Variants in VWA8 observed in about 807,000 individuals in gnomAD.
VWA8 encodes the protein von Willebrand factor A domain-containing protein 8.
A neutral mutation model predicts 241.5 loss-of-function variants in VWA8; 221 were observed. That is an observed-to-expected ratio of 0.91 (90% CI 0.82 to 1.02). The LOEUF is 1.02. Among genes scored for constraint, VWA8 ranks in the 50% least tolerant of loss-of-function variants. The pLI is 0.00. For missense variants in VWA8, 2,322 were observed against 2,328.7 expected, an observed-to-expected ratio of 1.00 and a Z score of 0.06; for synonymous variants, 852 against 827.1, an observed-to-expected ratio of 1.03 and a Z score of -0.52.
At chr13:41,571,653 A>C (rs917981627) in intron 43 of VWA8, among the ~76,000 whole-genome samples, 3 of 152,098 alleles carry the variant, frequency 2.0e-5, no homozygotes, top group Admixed American at 2.0e-4. Context: ...CTCAGTGCTC[A>C]ACATTGCCCA....
chr13:41,833,033 C>A (rs1429371168), intron 13 of VWA8, among the ~76,000 whole-genome samples: 5 of 151,882 alleles, frequency 3.3e-5, no homozygotes, highest in Non-Finnish European at 5.9e-5. Flanking sequence ...GTGACTCTGA[C>A]AAATTATAGA....
intron 2 of VWA8, among the ~76,000 whole-genome samples, chr13:41,936,332 C>G (rs1175320457): frequency 6.6e-6 from 1 of 152,088 alleles, no homozygotes; most frequent in Non-Finnish European, 1.5e-5. Context: ...TGAATTTCCT[C>G]TTTTATGTTG....
intron 2 of VWA8, among the ~76,000 whole-genome samples, chr13:41,916,765 T>C (rs1876278537): frequency 6.6e-6 from 1 of 152,196 alleles, no homozygotes. Flanking sequence ...ACATGAGTCA[T>C]ACTTAAAAGC....
At chr13:41,635,177 A>G (rs1278113697) in intron 37 of VWA8, among the ~76,000 whole-genome samples, 1 of 152,184 alleles carries the variant, frequency 6.6e-6, no homozygotes, top group Non-Finnish European at 1.5e-5. Context: ...AAATTCTACT[A>G]TGAATTTACT....
At chr13:41,869,117 G>A (rs998865466) in intron 9 of VWA8, among the ~76,000 whole-genome samples, 3 of 152,070 alleles carry the variant, frequency 2.0e-5, no homozygotes, top group African/African-American at 7.2e-5. Context: ...AGGAGATGAT[G>A]AGACCCTTCA....
At chr13:41,902,709 A>G (rs971855794) in intron 4 of VWA8, among the ~76,000 whole-genome samples, 1 of 152,194 alleles carries the variant, frequency 6.6e-6, no homozygotes, top group Non-Finnish European at 1.5e-5. Flanking sequence ...ATTATTATTA[A>G]CCTAATTCTC....
Position 41,761,006 on chromosome 13 carries a change from G to A in VWA8, c.2426+122C>T, listed in dbSNP as rs565882985. 89 of 979,326 alleles carry A rather than the reference G, an allele frequency of 9.1e-5. 2 individuals are homozygous for A. The South Asian group carries it at 1.4e-3, about 15-fold the overall frequency. The allele number at this position is 979,326 out of a possible 1,614,324, so 60.7% of individuals were successfully genotyped here. Reference sequence around the variant, plus strand: ...TAAAGGAGAGAAGAGATAAGAGCAAGAAGAACAGAAATAAAACTGGTTTAT... The same window carrying A: ...TAAAGGAGAGAAGAGATAAGAGCAAAAAGAACAGAAATAAAACTGGTTTAT... On this transcript the variant is annotated intron_variant, in intron 21 of 44. Transcript: ENST00000379310.
chr13:41,863,372 A>G (rs201285288), intron 12 of VWA8, among the ~76,000 whole-genome samples: 64 of 124,392 alleles, frequency 5.1e-4, no homozygotes, highest in African/African-American at 9.1e-4. Context: ...ATATATATAT[A>G]TGTGTGTGTG....
chr13:41,751,757 A>G (rs2045657868), intron 21 of VWA8, among the ~76,000 whole-genome samples: 1 of 152,204 alleles, frequency 6.6e-6, no homozygotes, highest in South Asian at 2.1e-4. Flanking sequence ...TTTAACAATA[A>G]CCATCCAAAA....
intron 26 of VWA8, among the ~76,000 whole-genome samples, chr13:41,704,156 T>C (rs925028539): frequency 6.6e-6 from 1 of 152,232 alleles, no homozygotes. Context: ...GACTTTATTT[T>C]GGCATCTTAA....
intron 9 of VWA8, among the ~76,000 whole-genome samples, chr13:41,880,010 T>G (rs983315527): frequency 9.8e-5 from 15 of 152,358 alleles, no homozygotes; most frequent in African/African-American, 3.4e-4. Context: ...GTCAACACTT[T>G]AAACATATAG....
chr13:41,573,527 GTATATATATATACGTA>G (rs1262790212), intron 43 of VWA8, among the ~76,000 whole-genome samples: 8 of 134,298 alleles, frequency 6.0e-5, no homozygotes, highest in Middle Eastern at 4.0e-3. Flanking sequence ...ATATATACGT[GTATATATATATACGTA>G]TATATAAAAT....
At chr13:41,814,405 G>A (rs1384843518) in intron 16 of VWA8, among the ~76,000 whole-genome samples, 1 of 152,186 alleles carries the variant, frequency 6.6e-6, no homozygotes, top group African/African-American at 2.4e-5. Context: ...ACAACTGGAT[G>A]TAGGGAAAGC....
intron 37 of VWA8, among the ~76,000 whole-genome samples, chr13:41,657,050 A>G (rs538168901): frequency 1.3e-5 from 2 of 152,054 alleles, no homozygotes; most frequent in East Asian, 3.9e-4. Context: ...GGCCACAGTG[A>G]TGGGTTCAGG....
chr13:41,748,321 T>C (rs1372725903), intron 21 of VWA8, among the ~76,000 whole-genome samples: 1 of 152,226 alleles, frequency 6.6e-6, no homozygotes, highest in Non-Finnish European at 1.5e-5. Flanking sequence ...CCTGGCTTAG[T>C]CTTGGGAGGG....
In VWA8 at chr13:41,955,080, AT is replaced by A. The variant is rs199618764; in HGVS notation, c.164-5068del. ...GACAAATGAATAATTATAATTTTAA[AT>A]TTTTTCTTAAGTATTGTTTTTAAGC... On this transcript the variant is annotated intron_variant, in intron 1 of 44. Coordinates refer to ENST00000379310, the MANE Select transcript of VWA8 (RefSeq NM_015058.2). Among the ~76,000 whole-genome samples the A allele has an allele frequency of 1.5e-3, 232 of 152,218 alleles. 3 individuals carry two copies. The highest frequency in any genetic ancestry group is 5.4e-3 in the African/African-American group (226 of 41,532).
At chr13:41,659,068 C>T (rs1009254312) in intron 37 of VWA8, among the ~76,000 whole-genome samples, 17 of 152,156 alleles carry the variant, frequency 1.1e-4, no homozygotes, top group Non-Finnish European at 2.9e-5. Flanking sequence ...TTTTTAAAAT[C>T]CATATTCCTT....
chr13:41,693,019 T>C (rs2045190424), intron 29 of VWA8, 47 bp from the exon 30 acceptor site: 3 of 1,436,410 alleles, frequency 2.1e-6, no homozygotes, highest in Admixed American at 2.3e-5. Context: ...GTTCTTTTTT[T>C]TTTTTTTTTT....
intron 2 of VWA8, chr13:41,927,464 T>G: frequency 3.6e-6 from 1 of 281,530 alleles, no homozygotes; most frequent in Non-Finnish European, 7.3e-6. Flanking sequence ...ACAGTTCCAT[T>G]CAGCCATCAG....
Sources: allele counts gnomAD v4.1 joint callset (sites outside exome capture counted in the v4.1 genomes callset), GRCh38; gene constraint gnomAD v4.1.1; transcripts MANE v1.5; gene names NCBI Gene and HGNC (gene_info 2026-07-23, HGNC 2026-07-21).